Variants in TRIM72 observed in about 807,000 individuals in gnomAD.
TRIM72 encodes tripartite motif-containing protein 72.
A neutral mutation model predicts 31.6 loss-of-function variants in TRIM72; 33 were observed. The ratio of observed to expected loss-of-function variants is 1.04; its 90% confidence interval spans 0.79 to 1.40. TRIM72 has a LOEUF of 1.40. TRIM72 is among the 40% of genes most tolerant of loss of function. The probability of loss-of-function intolerance (pLI) is 0.00; values close to 1 mark genes in which losing one functional copy is unlikely to be tolerated. For missense variants in TRIM72, 666 were observed against 682.7 expected (o/e 0.98, Z 0.27); for synonymous variants, 301 against 314.4 (o/e 0.96, Z 0.45).
Position 31,222,538 on chromosome 16 carries a change from T to G in TRIM72, c.741-289T>G, listed in dbSNP as rs1311111603. Among the ~76,000 whole-genome samples, 48 of 137,880 alleles carry G rather than the reference T, an allele frequency of 3.5e-4. No homozygotes were observed. In the Admixed American group the frequency reaches 3.9e-3, roughly 11 times the overall value. 90.5% of individuals were successfully genotyped at this position (137,880 alleles called of 152,430 possible). On this transcript the variant is annotated intron_variant, in intron 5 of 6. Transcript: ENST00000322122. ...TATGTTGCCCAGACTGGACTCAAAT[T>G]TCTGAGCTCCAGTGAGCCTCCTGAG...
At chr16:31,223,089 C>T (rs1335550188) in intron 6 of TRIM72, 144 bp downstream of exon 6, 2 of 685,454 alleles carry the variant, frequency 2.9e-6, no homozygotes, top group Non-Finnish European at 5.1e-6. Flanking sequence ...ACTGCCGCTG[C>T]AGTCCTCTAA....
intron 1 of TRIM72, 64 bp from the exon 2 acceptor site, chr16:31,214,668 G>C: frequency 4.3e-6 from 6 of 1,410,996 alleles, no homozygotes; most frequent in African/African-American, 1.5e-5. Flanking sequence ...GCTAGGGCTG[G>C]GCCAGGGCTG....
rs1346116418 is a variant in TRIM72 at position 31,224,896 on chromosome 16, C to G, written c.*141C>G. 2 of 882,666 alleles carry G rather than the reference C, an allele frequency of 2.3e-6. No individual in the cohort carries two copies. Among genetic ancestry groups the G allele is most frequent in the Non-Finnish European group, 3.2e-6 (2 of 620,594 alleles). The allele number at this position is 882,666 out of a possible 1,614,324, so 54.7% of individuals were successfully genotyped here. On this transcript the variant is annotated 3_prime_UTR_variant, in exon 7 of 7. Coordinates refer to ENST00000322122, the MANE Select transcript of TRIM72 (RefSeq NM_001008274.4). ...ACTGGGGGATCTCCCAGAATACTGA[C>G]AAGCGTGGGGTAGGACTGGCTTGGT...
Position 31,224,374 on chromosome 16 carries a change from T to TG in TRIM72, c.1055dup (p.Asp353ArgfsTer173). Reference sequence around the variant, plus strand: ...GCGAGCACTACTGGGAGGTGGATGTTGGCGACAAGCCGCGCTGGGCGCTGG... The same window carrying TG: ...GCGAGCACTACTGGGAGGTGGATGTTGGGCGACAAGCCGCGCTGGGCGCTGG... On this transcript the variant is annotated frameshift_variant, in exon 7 of 7. Transcript: ENST00000322122. LOFTEE classifies it low-confidence loss of function (END_TRUNC). 1 of 1,503,834 alleles carries TG rather than the reference T, an allele frequency of 6.6e-7. No homozygotes were observed. The highest frequency in any genetic ancestry group is 1.8e-4 in the Middle Eastern group (1 of 5,624). 93.2% of individuals were successfully genotyped at this position (1,503,834 alleles called of 1,614,324 possible).
chr16:31,214,592 C>G (rs1312869114), intron 1 of TRIM72, 140 bp from the exon 2 acceptor site: 4 of 958,046 alleles, frequency 4.2e-6, no homozygotes, highest in Non-Finnish European at 5.7e-6. Flanking sequence ...AGAGTCCCAT[C>G]CAGTGTAGGA....
rs1160718865 is a variant in TRIM72 at position 31,225,643 on chromosome 16, C to CTTTTTTTTTTTTTTTTTT, written c.*897_*914dup. 27 of 81,110 alleles carry CTTTTTTTTTTTTTTTTTT rather than the reference C, an allele frequency of 3.3e-4. No individual in the cohort carries two copies. Among genetic ancestry groups the CTTTTTTTTTTTTTTTTTT allele is most frequent in the Non-Finnish European group, 4.7e-4 (19 of 40,642 alleles). The allele number at this position is 81,110 out of a possible 1,614,324, so 5.0% of individuals were successfully genotyped here. A position where few individuals can be genotyped will look rare whatever the true frequency, so the allele number is the denominator to read the frequency against. On this transcript the variant is annotated 3_prime_UTR_variant, in exon 7 of 7. Coordinates refer to ENST00000322122, the MANE Select transcript of TRIM72 (RefSeq NM_001008274.4). ...AAATGCTCATTTCTTTTTTTTATTT[C>CTTTTTTTTTTTTTTTTTT]TTTTTTTTTTTTTTTTTTTTTTTTT...
chr16:31,217,194 C>G lies in TRIM72; in HGVS notation c.391-1901C>G, dbSNP rs376228063. The G allele has an allele frequency of 2.2e-5, 16 of 715,302 alleles. No individual in the cohort carries two copies. The Middle Eastern group carries it at 1.6e-3, about 72-fold the overall frequency. The allele number at this position is 715,302 out of a possible 1,614,324, so 44.3% of individuals were successfully genotyped here. A position where few individuals can be genotyped will look rare whatever the true frequency, so the allele number is the denominator to read the frequency against. On this transcript the variant is annotated intron_variant, in intron 2 of 6. Transcript: ENST00000322122. ...TGCTGGGAGGGGACTCTGCAAACAC[C>G]GCCTAGAGGGTCCCCCAGTTTCCCC...
Position 31,219,849 on chromosome 16 carries a change from G to A in TRIM72, c.717+330G>A, listed in dbSNP as rs536691869. 1.1e-4 allele frequency among the ~76,000 whole-genome samples: 16 copies of A among 141,384 alleles called. 2 individuals are homozygous for A. Among genetic ancestry groups the A allele is most frequent in the African/African-American group, 3.2e-4 (12 of 37,756 alleles). 92.8% of individuals were successfully genotyped at this position (141,384 alleles called of 152,430 possible). A position where few individuals can be genotyped will look rare whatever the true frequency, so the allele number is the denominator to read the frequency against. Reference sequence around the variant, plus strand: ...AGGATCTTGGCTCACTGCAAGCTCCGCCTCCTGGGTTCATGCTATTCTCCT... The same window carrying A: ...AGGATCTTGGCTCACTGCAAGCTCCACCTCCTGGGTTCATGCTATTCTCCT... On this transcript the variant is annotated intron_variant, in intron 4 of 6. Transcript: ENST00000322122. The surrounding 1 kb of genome is among the most constrained non-coding windows in gnomAD (Gnocchi z 4.2).
chr16:31,225,386 TG>T lies in TRIM72; in HGVS notation c.*636del, dbSNP rs58396951. ...GAGCGAGGGAGGGACAGGGCCAGGT[TG>T]GGGGATTGATGGGAGGAGCTTGAGA... On this transcript the variant is annotated 3_prime_UTR_variant, in exon 7 of 7. Transcript: ENST00000322122. 135,060 of 151,682 alleles carry T rather than the reference TG, an allele frequency of 0.89. 62,201 individuals carry two copies. Among genetic ancestry groups the T allele is most frequent in the East Asian group, 1 (5,126 of 5,128 alleles). The allele number at this position is 151,682 out of a possible 1,614,324, so 9.4% of individuals were successfully genotyped here.
In TRIM72 at chr16:31,224,213, G is replaced by A; in HGVS notation, c.892G>A (p.Ala298Thr). Reference protein sequence around the residue: ...LEELTFDPSSAHPSLVVSSSG... With the variant: ...LEELTFDPSSTHPSLVVSSSG... ...GGAGCTGACCTTTGACCCGAGCTCT[G>A]CGCACCCGAGCCTGGTGGTGTCTTC... Residue 298 changes from alanine (A) to threonine (T), a missense_variant, in exon 7 of 7, where the codon GCG becomes ACG. Transcript: ENST00000322122. The A allele has an allele frequency of 6.2e-7, 1 of 1,603,988 alleles. No homozygotes were observed. Among genetic ancestry groups the A allele is most frequent in the Non-Finnish European group, 8.5e-7 (1 of 1,179,840 alleles).
chr16:31,226,599 T>C lies in TRIM72; in HGVS notation c.*1844T>C, dbSNP rs7192718. 0.93 allele frequency: 142,160 copies of C among 152,272 alleles called. 67,168 individuals carry two copies. The highest frequency in any genetic ancestry group is 1 in the East Asian group (5,174 of 5,174). The allele number at this position is 152,272 out of a possible 1,614,324, so 9.4% of individuals were successfully genotyped here. ...AAAGAGCCTGATGCCAAGGTCACAC[T>C]GGTCCCTGCTGCTCATGGGGAAGAG... is the stretch of plus-strand genomic sequence containing the variant. On this transcript the variant is annotated 3_prime_UTR_variant, in exon 7 of 7. Transcript: ENST00000322122.
rs973855603 is a variant in TRIM72 at position 31,216,624 on chromosome 16, G to A, written c.390+1496G>A. 4 of 1,076,420 alleles carry A rather than the reference G, an allele frequency of 3.7e-6. No homozygotes were observed. In the East Asian group the frequency reaches 7.3e-5, roughly 20 times the overall value. The allele number at this position is 1,076,420 out of a possible 1,614,324, so 66.7% of individuals were successfully genotyped here. On this transcript the variant is annotated intron_variant, in intron 2 of 6. Coordinates refer to ENST00000322122, the MANE Select transcript of TRIM72 (RefSeq NM_001008274.4). The surrounding 1 kb of genome is among the most constrained non-coding windows in gnomAD (Gnocchi z 6.7). ...CCTTCGCCCCCGGGAGGGGCTGGCC[G>A]GAGGTCTGAGGGAGGACCCCAGGAG...
chr16:31,221,720 A>G (rs1413567723), intron 5 of TRIM72, among the ~76,000 whole-genome samples: 1 of 129,894 alleles, frequency 7.7e-6, no homozygotes, highest in African/African-American at 3.0e-5. Context: ...TTGCGGGGAG[A>G]AAGGCATTGC....
intron 4 of TRIM72, among the ~76,000 whole-genome samples, chr16:31,220,049 C>A (rs1251514366): frequency 6.6e-6 from 1 of 151,502 alleles, no homozygotes; most frequent in African/African-American, 2.4e-5. Context: ...AGGCGTGAGC[C>A]ACCGCGCCTG....
chr16:31,220,107 G>A (rs909050818), intron 4 of TRIM72, among the ~76,000 whole-genome samples: 4 of 151,900 alleles, frequency 2.6e-5, no homozygotes, highest in Admixed American at 2.0e-4. Context: ...AGGCTGGAGT[G>A]CAGTGGCATG....
rs574934911 is a variant in TRIM72 at position 31,216,348 on chromosome 16, G to A, written c.390+1220G>A. ...CTGTGCTTAAGACCCCAACCTCAGGGCAACCCGCTCGGATCCCCTTCCATG... is the reference window on the plus strand; with the variant it reads ...CTGTGCTTAAGACCCCAACCTCAGGACAACCCGCTCGGATCCCCTTCCATG... On this transcript the variant is annotated intron_variant, in intron 2 of 6. Transcript: ENST00000322122. This position sits in a 1 kb window ranked among gnomAD's most constrained non-coding sequence, Gnocchi z 6.7. 4 of 173,672 alleles carry A rather than the reference G, an allele frequency of 2.3e-5. No individual in the cohort carries two copies. In the East Asian group the frequency reaches 6.7e-4, roughly 29 times the overall value. The allele number at this position is 173,672 out of a possible 1,614,324, so 10.8% of individuals were successfully genotyped here.
intron 6 of TRIM72, among the ~76,000 whole-genome samples, chr16:31,223,664 G>A (rs757504071): frequency 2.6e-5 from 4 of 152,158 alleles, no homozygotes; most frequent in African/African-American, 4.8e-5. Context: ...AGAACTTTGG[G>A]AGGCCGAGGT....
rs1157234784 is a variant in TRIM72 at position 31,230,169 on chromosome 16, A to AATTT, written c.*5415_*5416insTTTA. On this transcript the variant is annotated 3_prime_UTR_variant, in exon 7 of 7. Coordinates refer to ENST00000322122, the MANE Select transcript of TRIM72 (RefSeq NM_001008274.4). ...TCACCCTGAGGAAGAGAAAGAGCTA[A>AATTT]AGTCCTTTAAAAATTAACTGCCTGT... The AATTT allele has an allele frequency of 1.3e-5, 2 of 152,202 alleles. No individual in the cohort carries two copies. The highest frequency in any genetic ancestry group is 3.9e-4 in the East Asian group (2 of 5,194). 9.4% of individuals were successfully genotyped at this position (152,202 alleles called of 1,614,324 possible). A position where few individuals can be genotyped will look rare whatever the true frequency, so the allele number is the denominator to read the frequency against.
chr16:31,224,367 T>C lies in TRIM72; in HGVS notation c.1046T>C (p.Val349Ala). Residue 349 changes from valine to alanine, a missense_variant, in exon 7 of 7, where the codon GTG becomes GCG. Physicochemically the swap from Val to Ala is moderately conservative, Grantham distance 64. Coordinates refer to ENST00000322122, the MANE Select transcript of TRIM72 (RefSeq NM_001008274.4). ...QLSEGEHYWE[V>A]DVGDKPRWAL... ...TCCGAGGGCGAGCACTACTGGGAGG[T>C]GGATGTTGGCGACAAGCCGCGCTGG... 6.6e-7 allele frequency: 1 copy of C among 1,514,838 alleles called. No individual in the cohort carries two copies. The allele number at this position is 1,514,838 out of a possible 1,614,324, so 93.8% of individuals were successfully genotyped here.
Sources: gnomAD v4.1 joint callset for allele counts (sites outside exome capture counted in the v4.1 genomes callset) on GRCh38, gnomAD v4.1.1 for gene constraint, Gnocchi (gnomAD v3.1) non-coding constraint, MANE v1.5 for transcripts, NCBI Gene and HGNC (gene_info 2026-07-23, HGNC 2026-07-21) for gene names.